Variants in DBH observed in about 807,000 individuals in gnomAD.
The protein encoded by DBH is dopamine beta-hydroxylase (dopamine beta-monooxygenase).
DBH carries 49 observed loss-of-function variants against 64.0 expected under a neutral mutation model. That is an observed-to-expected ratio of 0.77 (90% CI 0.61 to 0.97). The LOEUF (loss-of-function observed/expected upper bound fraction) is 0.97. Among genes scored for constraint, DBH ranks in the 50% least tolerant of loss-of-function variants. The probability of loss-of-function intolerance (pLI) is 0.00; values close to 1 mark genes in which losing one functional copy is unlikely to be tolerated. For synonymous variants in DBH, 343 were observed against 347.1 expected, an observed-to-expected ratio of 0.99 and a Z score of 0.13; for missense variants, 828 against 826.6, an observed-to-expected ratio of 1.00 and a Z score of -0.02.
chr9:133,656,335 C>T, intron 9 of DBH, 188 bp from the exon 10 acceptor site: 1 of 683,648 alleles, frequency 1.5e-6, no homozygotes, highest in East Asian at 2.8e-5. Flanking sequence ...CTCACTCACT[C>T]ACTGCCTGTC....
intron 6 of DBH, among the ~76,000 whole-genome samples, chr9:133,648,627 G>A (rs1310590656): frequency 1.3e-5 from 2 of 152,264 alleles, no homozygotes; most frequent in East Asian, 3.8e-4. Context: ...AGGCAGTGAA[G>A]TGCCGGGTAC....
intron 5 of DBH, among the ~76,000 whole-genome samples, chr9:133,645,853 A>G (rs938176831): frequency 6.6e-6 from 1 of 152,136 alleles, no homozygotes; most frequent in African/African-American, 2.4e-5. Context: ...CAGTTTCTTA[A>G]TCTGTGAAAT....
chr9:133,645,772 G>T (rs2797855), intron 5 of DBH, among the ~76,000 whole-genome samples: 2 of 151,980 alleles, frequency 1.3e-5, no homozygotes, highest in Non-Finnish European at 2.9e-5. Flanking sequence ...ACAGCCCTGG[G>T]TTTGAACCTC....
intron 5 of DBH, 35 bp downstream of exon 5, chr9:133,644,355 C>T: frequency 1.3e-6 from 2 of 1,550,198 alleles, no homozygotes; most frequent in Non-Finnish European, 1.8e-6. Context: ...CTCAGAAGCC[C>T]TAGGACTCAG....
chr9:133,637,656 T>C (rs1056427013), intron 1 of DBH, among the ~76,000 whole-genome samples: 3 of 152,230 alleles, frequency 2.0e-5, no homozygotes, highest in African/African-American at 7.2e-5. Context: ...GGTCTCACCA[T>C]GGGCTGGTGG....
intron 9 of DBH, among the ~76,000 whole-genome samples, chr9:133,653,446 A>G (rs1405439186): frequency 1.3e-5 from 2 of 152,164 alleles, no homozygotes; most frequent in Non-Finnish European, 2.9e-5. Context: ...TTACAAAACA[A>G]AACTTTAAAA....
At chr9:133,640,561 C>A (rs1179655990) in intron 2 of DBH, among the ~76,000 whole-genome samples, 1 of 152,262 alleles carries the variant, frequency 6.6e-6, no homozygotes. Context: ...AAGAGCCCCC[C>A]AACCTCTTAG....
At chr9:133,637,914 A>G (rs907647738) in intron 1 of DBH, among the ~76,000 whole-genome samples, 5 of 152,212 alleles carry the variant, frequency 3.3e-5, no homozygotes, top group Admixed American at 6.5e-5. Flanking sequence ...CTCAGGTTCC[A>G]GCCAAGAAAG....
intron 9 of DBH, among the ~76,000 whole-genome samples, chr9:133,654,253 A>C (rs1326350027): frequency 3.9e-5 from 6 of 152,152 alleles, no homozygotes; most frequent in East Asian, 1.9e-4. Flanking sequence ...ACAGGCACCC[A>C]CCACCACGCC....
In DBH at chr9:133,636,619, C is replaced by G; in HGVS notation, c.248C>G (p.Ala83Gly). ...CAGCTCCTGGTGCGGAGGCTCAAGG[C>G]TGGCGTCCTGTTTGGGATGTCCGAC... Reference protein sequence around the residue: ...HFQLLVRRLKAGVLFGMSDRG... With the variant: ...HFQLLVRRLKGGVLFGMSDRG... The change falls in exon 1 of 12, where the codon GCT becomes GGT. Residue 83 changes from alanine (A) to glycine (G), a missense_variant. Transcript: ENST00000393056. 1 of 1,613,574 alleles carries G rather than the reference C, an allele frequency of 6.2e-7. No individual in the cohort carries two copies.
intron 6 of DBH, among the ~76,000 whole-genome samples, chr9:133,649,070 AT>A (rs1832215635): frequency 6.6e-6 from 1 of 152,008 alleles, no homozygotes; most frequent in East Asian, 1.9e-4. Context: ...TATTGTAAAT[AT>A]TTTCTGTCAT....
Position 133,642,420 on chromosome 9 carries a change from A to G in DBH, c.700A>G (p.Ile234Val). The change falls in exon 3 of 12, where the codon ATT becomes GTT. Residue 234 changes from isoleucine (I) to valine (V), a missense_variant. By Grantham distance (29) the Ile-to-Val change is conservative. Transcript: ENST00000393056. Reference sequence around the variant, plus strand: ...CCAGGAGACCACGTACTGGTGCTACATTAAGGAGCTTCCAAAGGGCTTCTC... The same window carrying G: ...CCAGGAGACCACGTACTGGTGCTACGTTAAGGAGCTTCCAAAGGGCTTCTC... The part of the protein sequence containing the change: ...PSQETTYWCY[I>V]KELPKGFSRH... The G allele has an allele frequency of 6.2e-7, 1 of 1,613,570 alleles. No individual in the cohort carries two copies. The highest frequency in any genetic ancestry group is 8.5e-7 in the Non-Finnish European group (1 of 1,179,760).
At position 133,647,927 on chromosome 9, in the gene DBH, T is replaced by C; in HGVS notation, c.1106T>C (p.Leu369Pro). Residue 369 changes from leucine (L) to proline (P), a missense_variant, in exon 6 of 12, where the codon CTG becomes CCG. Coordinates refer to ENST00000393056, the MANE Select transcript of DBH (RefSeq NM_000787.4). ...RFNAGIMELG[L>P]VYTPVMAIPP... is the part of the protein sequence containing the mutation. ...AACGCGGGGATCATGGAGCTGGGAC[T>C]GGTGTACACGCCAGTGATGGCCATT... The C allele has an allele frequency of 6.2e-7, 1 of 1,614,194 alleles. No homozygotes were observed. Among genetic ancestry groups the C allele is most frequent in the Non-Finnish European group, 8.5e-7 (1 of 1,180,040 alleles).
chr9:133,657,727 T>A (rs1832353882), intron 11 of DBH, among the ~76,000 whole-genome samples: 1 of 151,910 alleles, frequency 6.6e-6, no homozygotes, highest in South Asian at 2.1e-4. Context: ...TGAGACCCAC[T>A]GGTATTCGAA....
In DBH at chr9:133,638,897, C is replaced by T. The variant is rs374590798; in HGVS notation, c.340-949C>T. Among the ~76,000 whole-genome samples the T allele has an allele frequency of 2.6e-4, 39 of 152,258 alleles. No homozygotes were observed. In the South Asian group the frequency reaches 5.8e-3, roughly 23 times the overall value. ...GGTGGTCTTCCATGTGACCTGGCCT[C>T]GGGCCACCGTGTCCCTGCCCCTTAG... On this transcript the variant is annotated intron_variant, in intron 1 of 11. Transcript: ENST00000393056.
At chr9:133,642,095 AGTGAG>A in intron 2 of DBH, 107 bp from the exon 3 acceptor site, 1 of 1,427,366 alleles carries the variant, frequency 7.0e-7, no homozygotes, top group Non-Finnish European at 9.7e-7. Context: ...CAGAGATGAG[AGTGAG>A]GTGTGTCACC....
At chr9:133,657,475 AGAGGGAGAGAG>A (rs1161079704) in intron 11 of DBH, among the ~76,000 whole-genome samples, 14 of 140,466 alleles carry the variant, frequency 1.0e-4, no homozygotes, top group South Asian at 2.3e-4. Context: ...GGAGAGAGGG[AGAGGGAGAGAG>A]GAGAGAGAGA....
intron 6 of DBH, 88 bp from the exon 7 acceptor site, chr9:133,651,546 G>A: frequency 6.4e-7 from 1 of 1,555,450 alleles, no homozygotes; most frequent in South Asian, 1.1e-5. Context: ...AACTGCCCAG[G>A]GTGGCTGCTC....
rs768783966 is a variant in DBH at position 133,651,675 on chromosome 9, C to CCA, written c.1241_1242dup (p.Leu415ThrfsTer2). ...GGATCCACATCTTCGCCTCTCAGCTCCACACACACCTGACTGGGAGAAAGG... is the reference window on the plus strand; with the variant it reads ...GGATCCACATCTTCGCCTCTCAGCTCCACACACACACCTGACTGGGAGAAAGG... On this transcript the variant is annotated frameshift_variant, in exon 7 of 12. Transcript: ENST00000393056. LOFTEE classifies it high-confidence loss of function. The CCA allele has an allele frequency of 6.2e-7, 1 of 1,613,918 alleles. No individual in the cohort carries two copies. Among genetic ancestry groups the CCA allele is most frequent in the South Asian group, 1.1e-5 (1 of 91,080 alleles).
Sources: gnomAD v4.1 joint callset for allele counts (sites outside exome capture counted in the v4.1 genomes callset) on GRCh38, gnomAD v4.1.1 for gene constraint, MANE v1.5 for transcripts, NCBI Gene and HGNC (gene_info 2026-07-23, HGNC 2026-07-21) for gene names.